DNAH2: variants seen among roughly 807,000 people sequenced by gnomAD.
DNAH2 encodes the protein axonemal beta dynein heavy chain 2.
Under a neutral mutation model 523.5 loss-of-function variants are expected in DNAH2, and 323 were observed. The observed-to-expected ratio is 0.62, with a 90% CI of 0.56 to 0.68. DNAH2 has a LOEUF of 0.68. Ranked by LOEUF, DNAH2 falls within the 30% of genes least tolerant of loss-of-function variation. DNAH2 has a pLI of 0.00. For missense variants in DNAH2, 4,907 were observed against 5,701.5 expected (o/e 0.86, Z 4.49); for synonymous variants, 2,093 against 2,177.4 (o/e 0.96, Z 1.08).
intron 27 of DNAH2, 95 bp downstream of exon 27, chr17:7,771,028 C>A: frequency 7.2e-7 from 1 of 1,383,996 alleles, no homozygotes; most frequent in Non-Finnish European, 9.9e-7. Flanking sequence ...CCTCATTCTC[C>A]TACCTTTAAA....
intron 12 of DNAH2, among the ~76,000 whole-genome samples, chr17:7,753,009 G>A (rs893811430): frequency 1.3e-5 from 2 of 152,130 alleles, no homozygotes; most frequent in Non-Finnish European, 2.9e-5. Context: ...CTTTCTTCGC[G>A]GGAGCATGTC....
chr17:7,770,568 C>G lies in DNAH2; in HGVS notation c.4110C>G (p.Asn1370Lys), dbSNP rs774877753. 1 of 1,614,022 alleles carries G rather than the reference C, an allele frequency of 6.2e-7. No individual in the cohort carries two copies. The change falls in exon 26 of 86, where the codon AAC (asparagine) becomes AAG (lysine). Residue 1370 changes from asparagine (N) to lysine (K), a missense_variant. Asn to Lys is a moderately conservative substitution (Grantham distance 94). This residue lies in a region of DNAH2 where 2,806 missense variants were observed against 3,190.8 expected (regional missense o/e 0.88). Coordinates refer to ENST00000572933, the MANE Select transcript of DNAH2 (RefSeq NM_020877.5). ...KELAIEVALQNIAKTWDVTQL... is the reference protein window; with the variant it reads ...KELAIEVALQKIAKTWDVTQL... ...ATTTCTCTCCACAGGCTTTACAAAA[C>G]ATTGCCAAGACCTGGGATGTGACTC...
rs2077769765 is a variant in DNAH2 at position 7,818,957 on chromosome 17, T to G, written c.10709T>G (p.Val3570Gly). The G allele has an allele frequency of 3.7e-6, 6 of 1,612,412 alleles. No individual in the cohort carries two copies. The highest frequency in any genetic ancestry group is 5.1e-6 in the Non-Finnish European group (6 of 1,179,900). ...NEATGSLLDD[V>G]QLVNTLHTSK... is the part of the protein sequence containing the mutation. Reference sequence around the variant, plus strand: ...GCCACCGGCTCCCTGCTGGATGATGTGCAGCTGGTGAACACGCTGCATACC... The same window carrying G: ...GCCACCGGCTCCCTGCTGGATGATGGGCAGCTGGTGAACACGCTGCATACC... The change falls in exon 71 of 86, where the codon GTG becomes GGG. Residue 3570 changes from valine to glycine, a missense_variant. Around this residue, in one of 3 missense-constraint regions of DNAH2, gnomAD observed 1,851 missense variants for 2,139.4 expected, o/e 0.87. Coordinates refer to ENST00000572933, the MANE Select transcript of DNAH2 (RefSeq NM_020877.5).
At chr17:7,768,481 ATATG>A (rs2151216691) in intron 24 of DNAH2, among the ~76,000 whole-genome samples, 1 of 152,348 alleles carries the variant, frequency 6.6e-6, no homozygotes, top group South Asian at 2.1e-4. Flanking sequence ...ATGTTTTGAA[ATATG>A]TACACATTGT....
intron 4 of DNAH2, 113 bp downstream of exon 4, chr17:7,727,405 C>T (rs1193998892): frequency 1.4e-6 from 2 of 1,383,612 alleles, no homozygotes; most frequent in Non-Finnish European, 1.9e-6. Flanking sequence ...CTATTGAGCC[C>T]CACTGTGTCA....
chr17:7,830,907 G>C (rs539479366), intron 79 of DNAH2, 65 bp downstream of exon 79: 1 of 1,599,022 alleles, frequency 6.3e-7, no homozygotes, highest in Non-Finnish European at 8.5e-7. Flanking sequence ...GTGGGATCAG[G>C]GGTGGGGGTA....
intron 20 of DNAH2, among the ~76,000 whole-genome samples, chr17:7,764,987 C>T (rs1238484987): frequency 1.3e-5 from 2 of 149,628 alleles, no homozygotes; most frequent in Non-Finnish European, 3.0e-5. Context: ...GGACTACAGG[C>T]ACCTCAAGTG....
chr17:7,770,863 G>T lies in DNAH2; in HGVS notation c.4292G>T (p.Arg1431Leu), dbSNP rs780075239. Residue 1431 changes from arginine (R) to leucine (L), a missense_variant, in exon 27 of 86, where the codon CGC becomes CTC. Physicochemically the swap from Arg to Leu is moderately radical, Grantham distance 102. Coordinates refer to ENST00000572933, the MANE Select transcript of DNAH2 (RefSeq NM_020877.5). ...GAGAAGGATGTGGACCACTGGGAACGCTGCCTCTCCCTCATTTTGGAGGTT... is the reference window on the plus strand; with the variant it reads ...GAGAAGGATGTGGACCACTGGGAACTCTGCCTCTCCCTCATTTTGGAGGTT... Reference protein sequence around the residue: ...AFEKDVDHWERCLSLILEVIE... With the variant: ...AFEKDVDHWELCLSLILEVIE... The T allele has an allele frequency of 6.2e-7, 1 of 1,614,176 alleles. No individual in the cohort carries two copies. The highest frequency in any genetic ancestry group is 8.5e-7 in the Non-Finnish European group (1 of 1,180,026).
Position 7,817,305 on chromosome 17 carries a change from C to T in DNAH2, c.9910C>T (p.Leu3304=). Residue 3304 remains leucine (L), a synonymous_variant, in exon 65 of 86, where the codon CTG becomes TTG. Coordinates refer to ENST00000572933, the MANE Select transcript of DNAH2 (RefSeq NM_020877.5). ...EETVQGLEED[L]GYLVGDCLLA... is the part of the protein sequence containing the mutation. ...TGTCCGCCAGGGCCTGGAGGAGGACCTGGGCTACCTGGTGGGGGACTGTCT... is the reference window on the plus strand; with the variant it reads ...TGTCCGCCAGGGCCTGGAGGAGGACTTGGGCTACCTGGTGGGGGACTGTCT... The T allele has an allele frequency of 6.2e-7, 1 of 1,600,676 alleles. No individual in the cohort carries two copies. The highest frequency in any genetic ancestry group is 8.5e-7 in the Non-Finnish European group (1 of 1,176,438).
Position 7,798,436 on chromosome 17 carries a change from G to T in DNAH2, c.8398+112G>T, listed in dbSNP as rs1455851739. On this transcript the variant is annotated intron_variant, in intron 54 of 85. Coordinates refer to ENST00000572933, the MANE Select transcript of DNAH2 (RefSeq NM_020877.5). The surrounding 1 kb of genome is among the most constrained non-coding windows in gnomAD (Gnocchi z 5.5). ...TGGGCAGACGTGTCTGGCCCGTGTT[G>T]GGTGTAGGATGGTGTCGCGTGTATG... 9.8e-6 allele frequency: 15 copies of T among 1,533,798 alleles called. No individual in the cohort carries two copies. The highest frequency in any genetic ancestry group is 1.3e-5 in the Non-Finnish European group (15 of 1,138,532).
Position 7,780,072 on chromosome 17 carries a change from A to T in DNAH2, c.5723-85A>T. ...TAGGGATGGAGTTAGGGTGGGAGAA[A>T]ATGAGACTGATTGGAAAGTGGGTTT... On this transcript the variant is annotated intron_variant, in intron 36 of 85. Coordinates refer to ENST00000572933, the MANE Select transcript of DNAH2 (RefSeq NM_020877.5). The surrounding 1 kb of genome is among the most constrained non-coding windows in gnomAD (Gnocchi z 4.4). 6.5e-6 allele frequency: 10 copies of T among 1,540,116 alleles called. No individual in the cohort carries two copies. The highest frequency in any genetic ancestry group is 8.8e-6 in the Non-Finnish European group (10 of 1,138,742).
chr17:7,776,243 A>AC, intron 31 of DNAH2, 94 bp downstream of exon 31: 3 of 1,449,778 alleles, frequency 2.1e-6, no homozygotes, highest in Admixed American at 2.0e-5. Flanking sequence ...AGGTGGGCAG[A>AC]TCACTTGAGG....
At chr17:7,833,264 G>C (rs1256464913) in intron 85 of DNAH2, 43 bp downstream of exon 85, 1 of 1,606,848 alleles carries the variant, frequency 6.2e-7, no homozygotes, top group Non-Finnish European at 8.5e-7. Flanking sequence ...CCCGTCCCTA[G>C]TTTGGAACTT....
intron 73 of DNAH2, among the ~76,000 whole-genome samples, chr17:7,823,118 A>AC (rs1327536805): frequency 6.6e-6 from 1 of 151,940 alleles, no homozygotes; most frequent in East Asian, 1.9e-4. Flanking sequence ...ACATGGTGAA[A>AC]CCCCGTGTCT....
At position 7,735,266 on chromosome 17, in the gene DNAH2, G is replaced by A. The variant is rs555229557; in HGVS notation, c.978+558G>A. 1.4e-4 allele frequency among the ~76,000 whole-genome samples: 22 copies of A among 152,122 alleles called. No homozygotes were observed. In the East Asian group the frequency reaches 4.3e-3, roughly 30 times the overall value. ...CTGCCTCAGCCTCCTGAGTAGCTGA[G>A]ATTACAGGTGCCCGCCACCAAGCCT... On this transcript the variant is annotated intron_variant, in intron 7 of 85. Coordinates refer to ENST00000572933, the MANE Select transcript of DNAH2 (RefSeq NM_020877.5).
rs2078080504 is a variant in DNAH2 at position 7,828,487 on chromosome 17, T to C, written c.11854-1813T>C. On this transcript the variant is annotated intron_variant, in intron 77 of 85. Coordinates refer to ENST00000572933, the MANE Select transcript of DNAH2 (RefSeq NM_020877.5). This position sits in a 1 kb window ranked among gnomAD's most constrained non-coding sequence, Gnocchi z 4.1. ...TTTTTAGACAGAGAGGGTCTTGCTC[T>C]ATAGCCCAGGTGGAGTGCAGTGGTA... is the stretch of plus-strand genomic sequence containing the variant. Among the ~76,000 whole-genome samples, 2 of 152,192 alleles carry C rather than the reference T, an allele frequency of 1.3e-5. No individual in the cohort carries two copies. Among genetic ancestry groups the C allele is most frequent in the Non-Finnish European group, 2.9e-5 (2 of 68,050 alleles).
chr17:7,752,605 G>A (rs1250284434), intron 12 of DNAH2, among the ~76,000 whole-genome samples: 2 of 152,094 alleles, frequency 1.3e-5, no homozygotes, highest in Non-Finnish European at 2.9e-5. Context: ...AGCTACTCAG[G>A]AGGCTGAGGC....
In DNAH2 at chr17:7,787,935, A is replaced by G. The variant is rs367933598; in HGVS notation, c.6679A>G (p.Thr2227Ala). Residue 2227 changes from threonine (T) to alanine (A), a missense_variant, in exon 43 of 86, where the codon ACT (threonine) becomes GCT (alanine). Thr to Ala is a moderately conservative substitution (Grantham distance 58, BLOSUM62 0). This residue lies in a region of DNAH2 where 2,806 missense variants were observed against 3,190.8 expected (regional missense o/e 0.88). Transcript: ENST00000572933. ...ATVSRCGMVY[T>A]DYADLGWKPY... ...TGTATCCCGCTGCGGGATGGTCTACACTGACTACGCTGACCTGGGCTGGAA... is the reference window on the plus strand; with the variant it reads ...TGTATCCCGCTGCGGGATGGTCTACGCTGACTACGCTGACCTGGGCTGGAA... The G allele has an allele frequency of 3.7e-6, 6 of 1,614,190 alleles. No homozygotes were observed. Among genetic ancestry groups the G allele is most frequent in the Non-Finnish European group, 2.5e-6 (3 of 1,180,038 alleles).
chr17:7,756,466 G>C (rs1399228776), intron 12 of DNAH2, among the ~76,000 whole-genome samples: 1 of 151,558 alleles, frequency 6.6e-6, no homozygotes, highest in African/African-American at 2.4e-5. Flanking sequence ...GTAGAGATGG[G>C]GGTCTCACTA....
Sources: allele counts gnomAD v4.1 joint callset (sites outside exome capture counted in the v4.1 genomes callset), GRCh38; gene constraint gnomAD v4.1.1; regional missense constraint gnomAD v4.1.1; non-coding constraint Gnocchi (gnomAD v3.1); transcripts MANE v1.5; gene names NCBI Gene and HGNC (gene_info 2026-07-23, HGNC 2026-07-21).